Variants in ANKRD17 observed in about 807,000 individuals in gnomAD.
ANKRD17 encodes the protein ankyrin repeat domain-containing protein 17.
A neutral mutation model predicts 229.7 loss-of-function variants in ANKRD17; 19 were observed. The ratio of observed to expected loss-of-function variants is 0.08; its 90% CI spans 0.06 to 0.12. The LOEUF is 0.12. Ranked by LOEUF, ANKRD17 falls within the 10% of genes least tolerant of loss-of-function variation. ANKRD17 has a pLI of 1.00. For synonymous variants in ANKRD17, 1,112 were observed against 1,146.1 expected (o/e 0.97, Z 0.60); for missense variants, 2,176 against 3,176.8 (o/e 0.68, Z 7.57).
chr4:73,187,079 C>T lies in ANKRD17; in HGVS notation c.394-9546G>A, dbSNP rs1166796357. Among the ~76,000 whole-genome samples, 3 of 152,238 alleles carry T rather than the reference C, an allele frequency of 2.0e-5. No homozygotes were observed. The East Asian group carries it at 5.8e-4, about 29-fold the overall frequency. ...CTTCCAGGATGGTAGCAGTGGGGAC[C>T]TGTTAGGGGTCAGACTGACATCAGA... is the stretch of plus-strand genomic sequence containing the variant. On this transcript the variant is annotated intron_variant, in intron 1 of 33. Coordinates refer to ENST00000358602, the MANE Select transcript of ANKRD17 (RefSeq NM_032217.5).
chr4:73,141,552 A>C (rs1729605504), intron 14 of ANKRD17, among the ~76,000 whole-genome samples, 189 bp downstream of exon 14: 1 of 152,192 alleles, frequency 6.6e-6, no homozygotes, highest in African/African-American at 2.4e-5. Flanking sequence ...TCATGCTAAA[A>C]CTTCTAATTG....
At chr4:73,176,604 C>T (rs80264813) in intron 2 of ANKRD17, among the ~76,000 whole-genome samples, 1 of 140,722 alleles carries the variant, frequency 7.1e-6, no homozygotes, top group Non-Finnish European at 1.6e-5. Flanking sequence ...TAATGAGTAT[C>T]AAAAAAAAAA....
At chr4:73,157,090 T>C (rs1028066354) in intron 3 of ANKRD17, among the ~76,000 whole-genome samples, 1 of 152,164 alleles carries the variant, frequency 6.6e-6, no homozygotes, top group Non-Finnish European at 1.5e-5. Flanking sequence ...TAAAAGTTTA[T>C]AGAAATCACA....
rs976355725 is a variant in ANKRD17 at position 73,118,807 on chromosome 4, A to G, written c.4069T>C (p.Leu1357=). Residue 1357 remains leucine (L), a synonymous_variant, in exon 22 of 34, where the codon TTG becomes CTG. Transcript: ENST00000358602. ...DVRNKKGNTP[L]WLAANGGHLD... is the part of the protein sequence containing the mutation. The stretch of plus-strand genomic sequence containing the variant: ...TGTCCACCATTTGCTGCTAGCCACA[A>G]TGGAGTGTTCCCCTTCTTGTTACGT... The G allele has an allele frequency of 5.6e-6, 9 of 1,613,146 alleles. No homozygotes were observed. Among genetic ancestry groups the G allele is most frequent in the Non-Finnish European group, 7.6e-6 (9 of 1,179,770 alleles).
chr4:73,079,771 T>C (rs1339924321), intron 30 of ANKRD17, among the ~76,000 whole-genome samples: 3 of 152,194 alleles, frequency 2.0e-5, no homozygotes, highest in Non-Finnish European at 4.4e-5. Flanking sequence ...TCAATCTCTA[T>C]ACATTATTGA....
At chr4:73,121,487 C>T in intron 19 of ANKRD17, 130 bp downstream of exon 19, 1 of 1,117,372 alleles carries the variant, frequency 8.9e-7, no homozygotes, top group African/African-American at 1.6e-5. Flanking sequence ...TCTCAAAAAT[C>T]TCTAACACTT....
intron 16 of ANKRD17, among the ~76,000 whole-genome samples, chr4:73,127,647 T>C (rs945709935): frequency 6.6e-6 from 1 of 152,176 alleles, no homozygotes; most frequent in Admixed American, 6.5e-5. Flanking sequence ...AGTGATAAAT[T>C]ACTTAGGAAA....
chr4:73,216,989 T>C (rs1741144178), intron 1 of ANKRD17, among the ~76,000 whole-genome samples: 1 of 152,222 alleles, frequency 6.6e-6, no homozygotes, highest in African/African-American at 2.4e-5. Flanking sequence ...ACCAACTTTG[T>C]AGTGATCAAG....
At chr4:73,242,477 A>G (rs988816363) in intron 1 of ANKRD17, among the ~76,000 whole-genome samples, 8 of 152,212 alleles carry the variant, frequency 5.3e-5, no homozygotes, top group African/African-American at 1.4e-4. Flanking sequence ...CTGAAAATAC[A>G]TAAGTATGCC....
chr4:73,258,775 G>C lies in ANKRD17; in HGVS notation c.-107C>G, dbSNP rs1159402732. Reference sequence around the variant, plus strand: ...CACAGCAATCGGTGCCGCCTCCGCCGCCACCGCCTCGGTCACCTCTACTGC... The same window carrying C: ...CACAGCAATCGGTGCCGCCTCCGCCCCCACCGCCTCGGTCACCTCTACTGC... On this transcript the variant is annotated 5_prime_UTR_variant, in exon 1 of 34. Coordinates refer to ENST00000358602, the MANE Select transcript of ANKRD17 (RefSeq NM_032217.5). The C allele has an allele frequency of 3.2e-6, 4 of 1,247,950 alleles. No individual in the cohort carries two copies. Among genetic ancestry groups the C allele is most frequent in the Non-Finnish European group, 4.0e-6 (4 of 993,746 alleles). 77.3% of individuals were successfully genotyped at this position (1,247,950 alleles called of 1,614,324 possible).
rs1285916675 is a variant in ANKRD17, at chr4:73,086,920, ATATAT to A, written c.6962-1479_6962-1475del. 7.9e-3 allele frequency among the ~76,000 whole-genome samples: 87 copies of A among 10,988 alleles called. 3 individuals carry two copies. Among genetic ancestry groups the A allele is most frequent in the African/African-American group, 0.023 (82 of 3,600 alleles). 7.2% of individuals were successfully genotyped at this position (10,988 alleles called of 152,430 possible). A position where few individuals can be genotyped will look rare whatever the true frequency, so the allele number is the denominator to read the frequency against. Reference sequence around the variant, plus strand: ...CTCAAAAAAAAAAAAAAAAAAAAAAATATATATATATATATATATATATATATATA... The same window carrying A: ...CTCAAAAAAAAAAAAAAAAAAAAAAAATATATATATATATATATATATATA... On this transcript the variant is annotated intron_variant, in intron 29 of 33. Coordinates refer to ENST00000358602, the MANE Select transcript of ANKRD17 (RefSeq NM_032217.5).
chr4:73,149,728 G>A (rs1171047121), intron 7 of ANKRD17, among the ~76,000 whole-genome samples: 1 of 152,052 alleles, frequency 6.6e-6, no homozygotes, highest in Non-Finnish European at 1.5e-5. Flanking sequence ...TTAGCCAGGC[G>A]TGGTGGTGTG....
At chr4:73,142,568 A>T (rs1017326419) in intron 12 of ANKRD17, 72 bp downstream of exon 12, 1 of 1,609,032 alleles carries the variant, frequency 6.2e-7, no homozygotes, top group African/African-American at 1.3e-5. Flanking sequence ...GAACTTGTAC[A>T]TGATATGTTG....
Position 73,230,016 on chromosome 4 carries a change from A to G in ANKRD17, c.393+28260T>C, listed in dbSNP as rs1488961147. ...CCACACATAAACAATTTTTATGAAC[A>G]TAAAAAGCACTAAACAGTTTCTATC... On this transcript the variant is annotated intron_variant, in intron 1 of 33. Transcript: ENST00000358602. Among the ~76,000 whole-genome samples the G allele has an allele frequency of 2.6e-5, 4 of 152,166 alleles. No individual in the cohort carries two copies. In the South Asian group the frequency reaches 6.2e-4, roughly 24 times the overall value.
At chr4:73,149,513 A>C (rs949721044) in intron 7 of ANKRD17, among the ~76,000 whole-genome samples, 3 of 152,166 alleles carry the variant, frequency 2.0e-5, no homozygotes, top group Admixed American at 2.0e-4. Context: ...ATGCTGTGTT[A>C]GGGGAACACA....
At chr4:73,158,043 A>G (rs1374606560) in intron 3 of ANKRD17, among the ~76,000 whole-genome samples, 1 of 151,884 alleles carries the variant, frequency 6.6e-6, no homozygotes, top group African/African-American at 2.4e-5. Flanking sequence ...GTGAGCCAGG[A>G]TCACACCACT....
chr4:73,201,740 A>C (rs901844376), intron 1 of ANKRD17, among the ~76,000 whole-genome samples: 7 of 152,222 alleles, frequency 4.6e-5, no homozygotes, highest in African/African-American at 1.4e-4. Context: ...ATTAGGAATA[A>C]CCTGAAACAG....
At chr4:73,189,403 GTTTTTT>G (rs763345325) in intron 1 of ANKRD17, among the ~76,000 whole-genome samples, 10 of 112,700 alleles carry the variant, frequency 8.9e-5, no homozygotes, top group Admixed American at 1.2e-4. Flanking sequence ...TGCCTGGAAT[GTTTTTT>G]TTTTTTTTTT....
chr4:73,218,599 T>C (rs908807947), intron 1 of ANKRD17, among the ~76,000 whole-genome samples: 7 of 140,860 alleles, frequency 5.0e-5, no homozygotes, highest in African/African-American at 1.6e-4. Context: ...GCCAAGGTCA[T>C]GCCACTGCAC....
Sources: allele counts gnomAD v4.1 joint callset (sites outside exome capture counted in the v4.1 genomes callset), GRCh38; gene constraint gnomAD v4.1.1; transcripts MANE v1.5; gene names NCBI Gene and HGNC (gene_info 2026-07-23, HGNC 2026-07-21).